Variants in EVI5 observed in about 807,000 individuals in gnomAD.
EVI5 encodes the protein ecotropic viral integration site 5.
Under a neutral mutation model 112.0 loss-of-function variants are expected in EVI5, and 73 were observed. The ratio of observed to expected loss-of-function variants is 0.65; its 90% CI spans 0.54 to 0.79. The LOEUF is 0.79. Ranked by LOEUF, EVI5 falls within the 30% of genes least tolerant of loss-of-function variation. EVI5 has a pLI of 0.00. For synonymous variants in EVI5, 305 were observed against 319.9 expected (o/e 0.95, Z 0.50); for missense variants, 900 against 968.8 (o/e 0.93, Z 0.94).
intron 10 of EVI5, among the ~76,000 whole-genome samples, chr1:92,669,753 T>TA (rs2102250532): frequency 6.6e-6 from 1 of 152,200 alleles, no homozygotes; most frequent in African/African-American, 2.4e-5. Context: ...TTTGAACTGT[T>TA]TATTGACGAT....
chr1:92,621,169 T>C (rs901142301), intron 16 of EVI5, among the ~76,000 whole-genome samples: 2 of 151,648 alleles, frequency 1.3e-5, no homozygotes, highest in Admixed American at 1.3e-4. Context: ...CAAGAGAAGG[T>C]AGAAAAAAAG....
intron 14 of EVI5, among the ~76,000 whole-genome samples, chr1:92,634,031 T>C (rs1334109693): frequency 1.3e-5 from 2 of 152,144 alleles, no homozygotes; most frequent in Non-Finnish European, 2.9e-5. Context: ...TGGCTTGTAG[T>C]TTCTGCTGAG....
chr1:92,684,332 C>A (rs756268587), intron 9 of EVI5, among the ~76,000 whole-genome samples: 5 of 152,186 alleles, frequency 3.3e-5, no homozygotes, highest in Non-Finnish European at 7.3e-5. Context: ...AAATAAAATT[C>A]TTTACAGACA....
intron 10 of EVI5, among the ~76,000 whole-genome samples, chr1:92,672,035 G>A (rs1265424509): frequency 6.6e-6 from 1 of 151,834 alleles, no homozygotes; most frequent in Non-Finnish European, 1.5e-5. Flanking sequence ...GAACTCCTGG[G>A]CTCAAGGAAT....
intron 18 of EVI5, 53 bp downstream of exon 18, chr1:92,605,254 G>A (rs1650107663): frequency 3.5e-6 from 4 of 1,155,248 alleles, no homozygotes; most frequent in Non-Finnish European, 5.2e-6. Context: ...TTCAGACAAA[G>A]AGGATAGAAG....
At chr1:92,785,401 A>C (rs1187785309), upstream of EVI5, among the ~76,000 whole-genome samples, 1 of 152,204 alleles carries the variant, frequency 6.6e-6, no homozygotes, top group Non-Finnish European at 1.5e-5. Context: ...TTAGGACTGC[A>C]GGCCTCGCGC....
rs577857005 is a variant in EVI5, at chr1:92,642,156, T to C, written c.1393-5820A>G. On this transcript the variant is annotated intron_variant, in intron 13 of 19. Coordinates refer to ENST00000684568, the MANE Select transcript of EVI5 (RefSeq NM_001350197.2). ...AAAAAAAAAAAATTGTTGAAAAATCTATAATTTTTATATGATTTGCGCTCA... is the reference window on the plus strand; with the variant it reads ...AAAAAAAAAAAATTGTTGAAAAATCCATAATTTTTATATGATTTGCGCTCA... Among the ~76,000 whole-genome samples the C allele has an allele frequency of 1.2e-3, 185 of 152,302 alleles. 1 individual carries two copies. The highest frequency in any genetic ancestry group is 4.4e-3 in the African/African-American group (182 of 41,546).
rs568924408 is a variant in EVI5 at position 92,572,882 on chromosome 1, G to C, written c.2071-9145C>G. On this transcript the variant is annotated intron_variant, in intron 18 of 19. Transcript: ENST00000684568. ...AATATAATGAGGAAAACCTCCTGAG[G>C]ATAGAAATGACAAAAACAGCAGAGC... 1.1e-4 allele frequency among the ~76,000 whole-genome samples: 17 copies of C among 152,110 alleles called. No homozygotes were observed. The East Asian group carries it at 2.9e-3, about 26-fold the overall frequency.
At chr1:92,520,122 C>T (rs1660653055) in intron 19 of EVI5, among the ~76,000 whole-genome samples, 1 of 151,980 alleles carries the variant, frequency 6.6e-6, no homozygotes, top group South Asian at 2.1e-4. Flanking sequence ...AGTTGCAAAA[C>T]TATGCAAACA....
At chr1:92,700,554 A>T (rs1205437951) in intron 5 of EVI5, among the ~76,000 whole-genome samples, 1 of 152,188 alleles carries the variant, frequency 6.6e-6, no homozygotes, top group Non-Finnish European at 1.5e-5. Flanking sequence ...CAATGGTGGT[A>T]ATAATACTTA....
At chr1:92,670,509 G>A (rs952407251) in intron 10 of EVI5, among the ~76,000 whole-genome samples, 3 of 152,060 alleles carry the variant, frequency 2.0e-5, no homozygotes, top group Non-Finnish European at 4.4e-5. Context: ...TCCCTTCGTA[G>A]TATAACTGCC....
intron 18 of EVI5, among the ~76,000 whole-genome samples, chr1:92,582,861 A>C (rs1672161397): frequency 6.6e-6 from 1 of 151,862 alleles, no homozygotes. Context: ...GTGAACTCAT[A>C]TCCTCTACTC....
At chr1:92,714,830 A>G (rs1570536900) in intron 2 of EVI5, among the ~76,000 whole-genome samples, 3 of 152,162 alleles carry the variant, frequency 2.0e-5, no homozygotes, top group African/African-American at 7.2e-5. Flanking sequence ...GCCTCATGCA[A>G]TTCTCCCACC....
rs114127244 is a variant in EVI5, at chr1:92,728,680, G to A, written c.149+7718C>T. ...TAAGATTACAGGCATGAGCCACCGGGCCCAGCGAATCATGGTTTCAATTAT... is the reference window on the plus strand; with the variant it reads ...TAAGATTACAGGCATGAGCCACCGGACCCAGCGAATCATGGTTTCAATTAT... On this transcript the variant is annotated intron_variant, in intron 2 of 19. Coordinates refer to ENST00000684568, the MANE Select transcript of EVI5 (RefSeq NM_001350197.2). 4.5e-3 allele frequency among the ~76,000 whole-genome samples: 684 copies of A among 152,218 alleles called. 2 individuals carry two copies. Among genetic ancestry groups the A allele is most frequent in the Middle Eastern group, 0.017 (5 of 294 alleles).
At chr1:92,656,886 A>G (rs1663086464) in intron 13 of EVI5, among the ~76,000 whole-genome samples, 1 of 152,216 alleles carries the variant, frequency 6.6e-6, no homozygotes, top group Admixed American at 6.5e-5. Flanking sequence ...TAAATCAGTA[A>G]TAACAAATCT....
intron 19 of EVI5, among the ~76,000 whole-genome samples, chr1:92,552,178 C>G (rs1461738793): frequency 2.7e-5 from 4 of 147,866 alleles, no homozygotes; most frequent in Non-Finnish European, 5.9e-5. Flanking sequence ...TTCCCACTGG[C>G]CAAATTTGGG....
At chr1:92,706,840 A>T (rs987350528) in intron 2 of EVI5, among the ~76,000 whole-genome samples, 1 of 152,236 alleles carries the variant, frequency 6.6e-6, no homozygotes, top group Non-Finnish European at 1.5e-5. Context: ...GGTTTAAAAT[A>T]GATAAGCCTA....
intron 2 of EVI5, among the ~76,000 whole-genome samples, chr1:92,705,932 C>G (rs11803097): frequency 0.2 from 30,589 of 152,012 alleles, 3,572 homozygotes; most frequent in Non-Finnish European, 0.26. Context: ...TCTTTATATC[C>G]CTTAGAACAT....
chr1:92,649,207 C>T (rs1316492031), intron 13 of EVI5, among the ~76,000 whole-genome samples: 2 of 152,168 alleles, frequency 1.3e-5, no homozygotes, highest in Non-Finnish European at 2.9e-5. Flanking sequence ...CTTTTGCCCA[C>T]TTTATAACTG....
Sources: allele counts gnomAD v4.1 joint callset (sites outside exome capture counted in the v4.1 genomes callset), GRCh38; gene constraint gnomAD v4.1.1; transcripts MANE v1.5; gene names NCBI Gene and HGNC (gene_info 2026-07-23, HGNC 2026-07-21).